Variants in LGR4 observed in about 807,000 individuals in gnomAD.
The protein encoded by LGR4 is leucine-rich repeat-containing G protein-coupled receptor 4.
Under a neutral mutation model 84.8 loss-of-function variants are expected in LGR4, and 44 were observed. The ratio of observed to expected loss-of-function variants is 0.52; its 90% CI spans 0.41 to 0.67. LGR4 has a LOEUF of 0.67. LGR4 is among the 30% of genes least tolerant of loss of function. The pLI, the probability that LGR4 is intolerant of heterozygous loss-of-function variation, is 0.00. For missense variants in LGR4, 1,032 were observed against 1,131.4 expected, an observed-to-expected ratio of 0.91 and a Z score of 1.26; for synonymous variants, 429 against 434.3, an observed-to-expected ratio of 0.99 and a Z score of 0.15.
Position 27,380,725 on chromosome 11 carries a change from C to CA in LGR4, c.831-15dup, listed in dbSNP as rs1399101841. On this transcript the variant is annotated splice_polypyrimidine_tract_variant and intron_variant, in intron 8 of 17. Transcript: ENST00000379214. ...TCATACAAATGTCTGTGAAAATATC[C>CA]AAAAAAAGTAAAATTTTCATATGTT... The CA allele has an allele frequency of 4.5e-6, 7 of 1,565,832 alleles. No homozygotes were observed. The South Asian group carries it at 6.8e-5, about 15-fold the overall frequency.
chr11:27,432,997 T>G (rs1002262665), intron 1 of LGR4, among the ~76,000 whole-genome samples: 1 of 152,210 alleles, frequency 6.6e-6, no homozygotes, highest in African/African-American at 2.4e-5. Context: ...CATGACAAAT[T>G]TTATGATTTT....
intron 1 of LGR4, 56 bp from the exon 2 acceptor site, chr11:27,412,916 T>G: frequency 8.3e-7 from 1 of 1,201,970 alleles, no homozygotes; most frequent in East Asian, 2.3e-5. Context: ...GCTTAAAGTA[T>G]TTAATCCAAC....
At chr11:27,410,447 C>G (rs1863688322) in intron 2 of LGR4, among the ~76,000 whole-genome samples, 1 of 152,078 alleles carries the variant, frequency 6.6e-6, no homozygotes, top group Non-Finnish European at 1.5e-5. Flanking sequence ...AAACCCTCAG[C>G]AAATAATTTC....
chr11:27,400,363 T>C (rs2133385721), intron 2 of LGR4, among the ~76,000 whole-genome samples: 1 of 152,216 alleles, frequency 6.6e-6, no homozygotes, highest in South Asian at 2.1e-4. Context: ...TTTTAACAGA[T>C]AAGGAATGTG....
intron 1 of LGR4, among the ~76,000 whole-genome samples, chr11:27,443,771 A>G (rs1864340782): frequency 6.6e-6 from 1 of 152,208 alleles, no homozygotes. Flanking sequence ...AACTGTCATC[A>G]CAACATCCTT....
chr11:27,446,848 T>G (rs1246213706), intron 1 of LGR4, among the ~76,000 whole-genome samples: 1 of 152,086 alleles, frequency 6.6e-6, no homozygotes, highest in Non-Finnish European at 1.5e-5. Context: ...TGGAATACTA[T>G]GCAGCCATAA....
chr11:27,396,111 A>G (rs780382679), intron 2 of LGR4, among the ~76,000 whole-genome samples: 7 of 152,190 alleles, frequency 4.6e-5, no homozygotes, highest in Non-Finnish European at 8.8e-5. Flanking sequence ...GTGACTTGGC[A>G]TAAGTCACAC....
At chr11:27,416,692 C>A (rs1249182407) in intron 1 of LGR4, among the ~76,000 whole-genome samples, 5 of 152,156 alleles carry the variant, frequency 3.3e-5, no homozygotes, top group African/African-American at 1.2e-4. Context: ...CCTTCAAGAT[C>A]AAATACTTCA....
chr11:27,402,415 TA>T (rs34741232), intron 2 of LGR4, among the ~76,000 whole-genome samples: 60,740 of 151,870 alleles, frequency 0.4, 13,582 homozygotes, highest in African/African-American at 0.62. Flanking sequence ...CACTAGAAAG[TA>T]AGGAGATACC....
chr11:27,378,815 G>C, intron 10 of LGR4, 47 bp from the exon 11 acceptor site: 1 of 1,378,798 alleles, frequency 7.3e-7, no homozygotes, highest in Non-Finnish European at 1.0e-6. Flanking sequence ...ACTCAAGATA[G>C]TAAGCAAAAT....
At chr11:27,442,512 A>G (rs1351549130) in intron 1 of LGR4, among the ~76,000 whole-genome samples, 3 of 152,172 alleles carry the variant, frequency 2.0e-5, no homozygotes, top group African/African-American at 7.2e-5. Context: ...GGGCTTATAA[A>G]CCACTTATAA....
intron 1 of LGR4, among the ~76,000 whole-genome samples, chr11:27,464,300 G>A (rs908261652): frequency 1.3e-5 from 2 of 152,130 alleles, no homozygotes; most frequent in African/African-American, 2.4e-5. Context: ...GACCCTTATG[G>A]TTTCTTCAAG....
At chr11:27,381,035 T>C (rs76722202) in intron 7 of LGR4, 69 bp from the exon 8 acceptor site, 2 of 811,018 alleles carry the variant, frequency 2.5e-6, no homozygotes, top group East Asian at 2.4e-5. Context: ...AAGTATCTAC[T>C]GCTGTTCAGC....
chr11:27,463,153 G>A (rs958869059), intron 1 of LGR4, among the ~76,000 whole-genome samples: 1 of 151,418 alleles, frequency 6.6e-6, no homozygotes, highest in African/African-American at 2.4e-5. Flanking sequence ...TTCGGAGACT[G>A]AGGTACGAGG....
At chr11:27,436,115 G>A (rs1342228323) in intron 1 of LGR4, among the ~76,000 whole-genome samples, 1 of 151,790 alleles carries the variant, frequency 6.6e-6, no homozygotes, top group African/African-American at 2.4e-5. Flanking sequence ...GTTTCACCGT[G>A]TTAGCCAGGA....
intron 1 of LGR4, among the ~76,000 whole-genome samples, chr11:27,427,555 T>C (rs886181616): frequency 6.6e-6 from 1 of 152,182 alleles, no homozygotes; most frequent in African/African-American, 2.4e-5. Flanking sequence ...AGTTTGAGAA[T>C]GGAGCAAGAA....
At chr11:27,423,859 T>C (rs1357235527) in intron 1 of LGR4, among the ~76,000 whole-genome samples, 2 of 152,230 alleles carry the variant, frequency 1.3e-5, no homozygotes, top group Non-Finnish European at 2.9e-5. Flanking sequence ...GAATGAATCA[T>C]ATGGTCCCTT....
At chr11:27,471,127 T>C (rs1265585543) in intron 1 of LGR4, among the ~76,000 whole-genome samples, 2 of 152,074 alleles carry the variant, frequency 1.3e-5, no homozygotes, top group Admixed American at 6.6e-5. Flanking sequence ...GTTCCTCCTC[T>C]ATCCGTGGCC....
chr11:27,413,105 C>T (rs1182389013), intron 1 of LGR4, among the ~76,000 whole-genome samples: 1 of 152,068 alleles, frequency 6.6e-6, no homozygotes, highest in Non-Finnish European at 1.5e-5. Flanking sequence ...TCTTAAGTAT[C>T]CTTGGAAAAA....
Sources: gnomAD v4.1 joint callset for allele counts (sites outside exome capture counted in the v4.1 genomes callset) on GRCh38, gnomAD v4.1.1 for gene constraint, MANE v1.5 for transcripts, NCBI Gene and HGNC (gene_info 2026-07-23, HGNC 2026-07-21) for gene names.